Variants in CDC27 observed in about 807,000 individuals in gnomAD.
CDC27 encodes the protein cell division cycle 27, also known as cell division cycle protein 27 homolog.
CDC27 carries 27 observed loss-of-function variants against 109.7 expected under a neutral mutation model. The ratio of observed to expected loss-of-function variants is 0.25; its 90% confidence interval spans 0.18 to 0.34. CDC27 has a LOEUF of 0.34. Among genes scored for constraint, CDC27 ranks in the 10% least tolerant of loss-of-function variants. The probability of loss-of-function intolerance (pLI) is 1.00; values close to 1 mark genes in which losing one functional copy is unlikely to be tolerated. For missense variants in CDC27, 579 were observed against 960.2 expected, an observed-to-expected ratio of 0.60 and a Z score of 5.25; for synonymous variants, 266 against 333.9, an observed-to-expected ratio of 0.80 and a Z score of 2.22.
chr17:47,174,560 T>C (rs931755106), intron 2 of CDC27, among the ~76,000 whole-genome samples: 11 of 152,220 alleles, frequency 7.2e-5, no homozygotes, highest in African/African-American at 2.7e-4. Flanking sequence ...ATTGACTCCA[T>C]TAAGTCACTC....
At position 47,137,354 on chromosome 17, in the gene CDC27, ACCAGGCCTT is replaced by A; in HGVS notation, c.1705-3_1710del. 1 of 1,554,096 alleles carries A rather than the reference ACCAGGCCTT, an allele frequency of 6.4e-7. No individual in the cohort carries two copies. The highest frequency in any genetic ancestry group is 1.4e-5 in the African/African-American group (1 of 72,078). On this transcript the variant is annotated splice_acceptor_variant and splice_polypyrimidine_tract_variant and coding_sequence_variant and intron_variant, in exon 14 of 19. Transcript: ENST00000066544. LOFTEE classifies it high-confidence loss of function. ...AGACTGAAACAGTTCCCTGCAGCAC[ACCAGGCCTT>A]AAAAAAATGGGAACAAAAACCAAAC...
At position 47,154,767 on chromosome 17, in the gene CDC27, C is replaced by T. The variant is rs2063249651; in HGVS notation, c.862G>A (p.Glu288Lys). The change falls in exon 8 of 19, where the codon GAA (glutamate) becomes AAA (lysine). Residue 288 changes from glutamate (E) to lysine (K), a missense_variant. Glu to Lys is a moderately conservative substitution (Grantham distance 56, BLOSUM62 1). Transcript: ENST00000066544. Reference protein sequence around the residue: ...LTPSFGILPLETPSPGDGSYL... With the variant: ...LTPSFGILPLKTPSPGDGSYL... The stretch of plus-strand genomic sequence containing the variant: ...GATCCATCTCCAGGACTTGGGGTTT[C>T]TAATGGCAAAATCCCAAAACTGAGA... 1 of 1,594,972 alleles carries T rather than the reference C, an allele frequency of 6.3e-7. No individual in the cohort carries two copies. The highest frequency in any genetic ancestry group is 8.6e-7 in the Non-Finnish European group (1 of 1,163,804).
Position 47,142,143 on chromosome 17 carries a change from G to A in CDC27, c.1378+86C>T, listed in dbSNP as rs2062813001. 5.5e-6 allele frequency: 6 copies of A among 1,099,730 alleles called. 1 individual carries two copies. In the South Asian group the frequency reaches 1.0e-4, roughly 19 times the overall value. The allele number at this position is 1,099,730 out of a possible 1,614,324, so 68.1% of individuals were successfully genotyped here. A position where few individuals can be genotyped will look rare whatever the true frequency, so the allele number is the denominator to read the frequency against. On this transcript the variant is annotated intron_variant, in intron 11 of 18. Coordinates refer to ENST00000066544, the MANE Select transcript of CDC27 (RefSeq NM_001256.6). ...TTCCAACATCTATATAAAAAACAAT[G>A]AAGGTACTGTAATGAACATAAAGAA...
At chr17:47,127,328 A>G (rs1329408679) in intron 16 of CDC27, among the ~76,000 whole-genome samples, 2 of 152,218 alleles carry the variant, frequency 1.3e-5, no homozygotes, top group Non-Finnish European at 2.9e-5. Context: ...GTCTTCATAA[A>G]GAAGATAGAA....
intron 15 of CDC27, among the ~76,000 whole-genome samples, chr17:47,131,296 G>A (rs538221591): frequency 2.6e-5 from 4 of 152,084 alleles, no homozygotes; most frequent in Admixed American, 6.6e-5. Flanking sequence ...CATTTTTTCC[G>A]TAGTAGCTAA....
intron 4 of CDC27, among the ~76,000 whole-genome samples, chr17:47,163,293 T>C (rs1469134374): frequency 6.6e-6 from 1 of 152,210 alleles, no homozygotes; most frequent in Non-Finnish European, 1.5e-5. Context: ...ACCACATGTA[T>C]GTATCTAGAT....
intron 16 of CDC27, among the ~76,000 whole-genome samples, chr17:47,127,851 C>T (rs8077506): frequency 0.014 from 2,192 of 151,730 alleles, 44 homozygotes; most frequent in African/African-American, 0.051. Context: ...TACAGGCACA[C>T]GTCACCACAC....
intron 9 of CDC27, among the ~76,000 whole-genome samples, chr17:47,149,194 T>C (rs1275291333): frequency 6.6e-6 from 1 of 151,646 alleles, no homozygotes; most frequent in African/African-American, 2.4e-5. Flanking sequence ...AAAAATTCAT[T>C]ACCAGCTGAC....
At chr17:47,171,033 G>C (rs2063797065) in intron 3 of CDC27, 1 of 152,162 alleles carries the variant, frequency 6.6e-6, no homozygotes, top group Non-Finnish European at 1.5e-5. Context: ...CCCAGATGGG[G>C]ACTGCAGTGA....
chr17:47,127,506 G>C (rs909126903), intron 16 of CDC27, among the ~76,000 whole-genome samples: 1 of 151,538 alleles, frequency 6.6e-6, no homozygotes, highest in African/African-American at 2.4e-5. Context: ...AGTTTCAAGC[G>C]ATTCTCCTGC....
chr17:47,172,227 C>T (rs2148968772), intron 2 of CDC27, among the ~76,000 whole-genome samples, 163 bp from the exon 3 acceptor site: 1 of 152,038 alleles, frequency 6.6e-6, no homozygotes, highest in Admixed American at 6.5e-5. Flanking sequence ...AAACGGTTTG[C>T]TTATAGCAAA....
At chr17:47,156,132 T>C (rs1567681933) in intron 7 of CDC27, among the ~76,000 whole-genome samples, 1 of 152,170 alleles carries the variant, frequency 6.6e-6, no homozygotes. Flanking sequence ...TTCAGAGTTT[T>C]AAATTTTCCT....
intron 1 of CDC27, chr17:47,188,762 C>T: frequency 6.4e-6 from 7 of 1,096,384 alleles, no homozygotes; most frequent in Non-Finnish European, 5.6e-6. Flanking sequence ...GAAGATCACA[C>T]AAGCTCCGAT....
intron 14 of CDC27, 54 bp from the exon 15 acceptor site, chr17:47,132,428 T>A: frequency 1.3e-6 from 1 of 775,314 alleles, no homozygotes; most frequent in Non-Finnish European, 2.0e-6. Context: ...AGGTTGCTAA[T>A]TTAGTTCAAT....
chr17:47,156,803 CCA>C, intron 7 of CDC27, 108 bp downstream of exon 7: 1 of 450,306 alleles, frequency 2.2e-6, no homozygotes, highest in Non-Finnish European at 4.0e-6. Context: ...GCCCCTGTTT[CCA>C]CAGTGATTTA....
chr17:47,140,050 T>C (rs1320071912), intron 12 of CDC27: 2 of 152,222 alleles, frequency 1.3e-5, no homozygotes, highest in Admixed American at 6.5e-5. Flanking sequence ...TGGACTATTC[T>C]TAATGAAATG....
intron 1 of CDC27, among the ~76,000 whole-genome samples, chr17:47,183,703 T>C (rs1183605299): frequency 6.6e-6 from 1 of 152,222 alleles, no homozygotes; most frequent in African/African-American, 2.4e-5. Context: ...GATGTTTTCC[T>C]TACTATATTA....
At chr17:47,123,150 T>C (rs1247197950) in intron 17 of CDC27, among the ~76,000 whole-genome samples, 1 of 152,192 alleles carries the variant, frequency 6.6e-6, no homozygotes, top group East Asian at 1.9e-4. Flanking sequence ...AAGTTTCCAA[T>C]AAATATCACT....
intron 2 of CDC27, among the ~76,000 whole-genome samples, chr17:47,178,702 A>G (rs2148993051): frequency 6.6e-6 from 1 of 152,254 alleles, no homozygotes; most frequent in South Asian, 2.1e-4. Flanking sequence ...TGTTAAACAG[A>G]TATTTCTCTT....
Sources: allele counts gnomAD v4.1 joint callset (sites outside exome capture counted in the v4.1 genomes callset), GRCh38; gene constraint gnomAD v4.1.1; transcripts MANE v1.5; gene names NCBI Gene and HGNC (gene_info 2026-07-23, HGNC 2026-07-21).